PAFAH1B1: variants seen among roughly 807,000 people sequenced by gnomAD.
PAFAH1B1 encodes platelet-activating factor acetylhydrolase IB subunit beta.
In PAFAH1B1, 2 loss-of-function variants were observed where a neutral mutation model predicts 57.5. That is an observed-to-expected ratio of 0.03 (90% CI 0.01 to 0.11). The LOEUF (loss-of-function observed/expected upper bound fraction) is 0.11. Among genes scored for constraint, PAFAH1B1 ranks in the 10% least tolerant of loss-of-function variants. PAFAH1B1 has a pLI of 1.00. For synonymous variants in PAFAH1B1, 152 were observed against 169.6 expected, an observed-to-expected ratio of 0.90 and a Z score of 0.81; for missense variants, 257 against 512.0, an observed-to-expected ratio of 0.50 and a Z score of 4.81.
intron 3 of PAFAH1B1, 56 bp from the exon 4 acceptor site, chr17:2,665,960 G>A: frequency 7.4e-7 from 1 of 1,358,952 alleles, no homozygotes; most frequent in Non-Finnish European, 1.0e-6. Context: ...AATGATCTTT[G>A]TCTTGAGGAT....
intron 1 of PAFAH1B1, among the ~76,000 whole-genome samples, chr17:2,609,746 G>A (rs2068245697): frequency 6.6e-6 from 1 of 151,682 alleles, no homozygotes; most frequent in Non-Finnish European, 1.5e-5. Flanking sequence ...TCCTGACCTC[G>A]TGATCCACCC....
At chr17:2,670,682 C>T (rs997326403) in intron 6 of PAFAH1B1, among the ~76,000 whole-genome samples, 2 of 152,248 alleles carry the variant, frequency 1.3e-5, no homozygotes, top group East Asian at 1.9e-4. Context: ...CGAGTGAAAA[C>T]GAGCCCAGAT....
At chr17:2,607,490 CTTTTTT>C (rs984009285) in intron 1 of PAFAH1B1, among the ~76,000 whole-genome samples, 27 of 143,632 alleles carry the variant, frequency 1.9e-4, no homozygotes, top group Admixed American at 4.9e-4. Flanking sequence ...TTTTCTTTTT[CTTTTTT>C]TTTTTTGAGA....
At chr17:2,633,556 A>T (rs2068583364) in intron 1 of PAFAH1B1, among the ~76,000 whole-genome samples, 1 of 152,028 alleles carries the variant, frequency 6.6e-6, no homozygotes, top group Non-Finnish European at 1.5e-5. Flanking sequence ...GAAGAAAGAG[A>T]AAAACTGCTT....
intron 1 of PAFAH1B1, among the ~76,000 whole-genome samples, chr17:2,597,554 G>T (rs2068097740): frequency 6.6e-6 from 1 of 151,350 alleles, no homozygotes; most frequent in Non-Finnish European, 1.5e-5. Context: ...GGGATTACAG[G>T]TGCCTGCCAC....
intron 1 of PAFAH1B1, among the ~76,000 whole-genome samples, chr17:2,616,451 G>A (rs928295435): frequency 2.6e-5 from 4 of 152,118 alleles, no homozygotes; most frequent in Admixed American, 2.6e-4. Context: ...GGGGACCTGG[G>A]GAAGAGGTGA....
intron 2 of PAFAH1B1, among the ~76,000 whole-genome samples, chr17:2,643,862 C>A (rs2068730297): frequency 2.0e-5 from 3 of 152,174 alleles, no homozygotes; most frequent in Admixed American, 2.0e-4. Flanking sequence ...GCCCGGCCCA[C>A]ACCTGGCTCT....
intron 1 of PAFAH1B1, chr17:2,613,448 G>T: frequency 4.1e-6 from 1 of 241,788 alleles, no homozygotes. Flanking sequence ...CCTCTCTGGG[G>T]CCCGCAGTGT....
intron 1 of PAFAH1B1, among the ~76,000 whole-genome samples, chr17:2,603,194 C>CTGTT (rs997700161): frequency 2.6e-4 from 40 of 152,100 alleles, no homozygotes; most frequent in Non-Finnish European, 7.4e-5. Flanking sequence ...GGGTCTGGCT[C>CTGTT]TGTTGCCCAG....
chr17:2,669,265 A>T (rs1371801702), intron 5 of PAFAH1B1, among the ~76,000 whole-genome samples: 2 of 142,616 alleles, frequency 1.4e-5, no homozygotes, highest in African/African-American at 2.6e-5. Context: ...AGCAATTAGA[A>T]TTTTTTTTTT....
chr17:2,631,672 T>C (rs537433512), intron 1 of PAFAH1B1, among the ~76,000 whole-genome samples: 70 of 152,296 alleles, frequency 4.6e-4, no homozygotes, highest in African/African-American at 1.5e-3. Flanking sequence ...ACTTCTGCAG[T>C]TGGGACACTC....
intron 1 of PAFAH1B1, among the ~76,000 whole-genome samples, chr17:2,600,572 A>AG (rs2068131039): frequency 6.6e-6 from 1 of 150,758 alleles, no homozygotes; most frequent in Non-Finnish European, 1.5e-5. Context: ...CTATCTCAAA[A>AG]AAAAAAAAAA....
At chr17:2,675,048 C>T (rs1027295228) in intron 8 of PAFAH1B1, among the ~76,000 whole-genome samples, 1 of 152,164 alleles carries the variant, frequency 6.6e-6, no homozygotes, top group Non-Finnish European at 1.5e-5. Context: ...GTTGCCCAGG[C>T]TGGAGTACAG....
chr17:2,672,132 T>G lies in PAFAH1B1; in HGVS notation c.569-523T>G, dbSNP rs80167403. Among the ~76,000 whole-genome samples, 20 of 151,566 alleles carry G rather than the reference T, an allele frequency of 1.3e-4. No homozygotes were observed. The East Asian group carries it at 3.5e-3, about 27-fold the overall frequency. On this transcript the variant is annotated intron_variant, in intron 6 of 10. Transcript: ENST00000397195. ...AAAAATAAAATAGTTGTGGGTGTGG[T>G]GGTACCAGATGTGGTGGTACACACC...
At chr17:2,679,903 T>G (rs1306035595) in intron 9 of PAFAH1B1, 4 of 468,356 alleles carry the variant, frequency 8.5e-6, no homozygotes, top group African/African-American at 7.8e-5. Context: ...GACTACATAT[T>G]GAGATTTGTT....
chr17:2,637,996 AAC>A (rs1232488648), intron 1 of PAFAH1B1, 101 bp from the exon 2 acceptor site: 2 of 448,198 alleles, frequency 4.5e-6, no homozygotes, highest in Non-Finnish European at 7.8e-6. Context: ...TATTTATACT[AAC>A]ATCACAATAA....
intron 2 of PAFAH1B1, among the ~76,000 whole-genome samples, chr17:2,656,045 C>T (rs1037840456): frequency 1.3e-5 from 2 of 152,036 alleles, no homozygotes; most frequent in African/African-American, 4.8e-5. Context: ...GCTTCAGCCT[C>T]CCAAGTGACT....
intron 1 of PAFAH1B1, among the ~76,000 whole-genome samples, chr17:2,599,971 CTTTTTT>C (rs34442256): frequency 1.4e-4 from 12 of 82,794 alleles, no homozygotes; most frequent in African/African-American, 5.4e-4. Context: ...CATTTTTAAC[CTTTTTT>C]TTTTTTTTTT....
intron 1 of PAFAH1B1, among the ~76,000 whole-genome samples, chr17:2,619,927 C>T (rs1009002653): frequency 6.6e-6 from 1 of 152,106 alleles, no homozygotes; most frequent in Non-Finnish European, 1.5e-5. Context: ...CACAGGCATG[C>T]ACCACTATGC....
Sources: allele counts gnomAD v4.1 joint callset (sites outside exome capture counted in the v4.1 genomes callset), GRCh38; gene constraint gnomAD v4.1.1; transcripts MANE v1.5; gene names NCBI Gene and HGNC (gene_info 2026-07-23, HGNC 2026-07-21).